The following PTPRT variants were observed in gnomAD, a reference collection of about 807,000 sequenced individuals.
PTPRT encodes protein tyrosine phosphatase receptor type T.
In PTPRT, 56 loss-of-function variants were observed where a neutral mutation model predicts 176.8. The ratio of observed to expected loss-of-function variants is 0.32; its 90% CI spans 0.26 to 0.40. The LOEUF (loss-of-function observed/expected upper bound fraction) is 0.40, where lower values mean the gene tolerates loss of function less well. Ranked by LOEUF, PTPRT falls within the 10% of genes least tolerant of loss-of-function variation. PTPRT has a pLI of 1.00. For missense variants in PTPRT, 1,540 were observed against 1,908.2 expected (o/e 0.81, Z 3.60); for synonymous variants, 783 against 739.0 (o/e 1.06, Z -0.96).
At chr20:42,112,705 C>CCTGCAAACT (rs1316118930) in intron 22 of PTPRT, among the ~76,000 whole-genome samples, 1 of 152,088 alleles carries the variant, frequency 6.6e-6, no homozygotes, top group Non-Finnish European at 1.5e-5. Context: ...CTGCCTTCCC[C>CCTGCAAACT]CTGCAAACTC....
chr20:43,089,541 G>A (rs944316200), intron 1 of PTPRT, among the ~76,000 whole-genome samples: 18 of 152,242 alleles, frequency 1.2e-4, no homozygotes, highest in Non-Finnish European at 5.9e-5. Context: ...AACTACAAGT[G>A]AGACAATATC....
chr20:42,911,563 C>A (rs761970292), intron 1 of PTPRT, among the ~76,000 whole-genome samples: 1 of 152,154 alleles, frequency 6.6e-6, no homozygotes, highest in Non-Finnish European at 1.5e-5. Flanking sequence ...TATACATTAT[C>A]TAGGGGCATC....
intron 2 of PTPRT, among the ~76,000 whole-genome samples, chr20:42,875,107 C>T (rs906231927): frequency 6.6e-6 from 1 of 152,160 alleles, no homozygotes; most frequent in African/African-American, 2.4e-5. Flanking sequence ...GAATATAATA[C>T]TTTTTGAATC....
chr20:42,717,594 T>C (rs571582741), intron 6 of PTPRT, among the ~76,000 whole-genome samples: 2 of 152,212 alleles, frequency 1.3e-5, no homozygotes, highest in Non-Finnish European at 2.9e-5. Flanking sequence ...AGGATTTTTT[T>C]TTTATTGTGG....
At chr20:42,598,623 T>C (rs1174484123) in intron 7 of PTPRT, among the ~76,000 whole-genome samples, 1 of 152,174 alleles carries the variant, frequency 6.6e-6, no homozygotes, top group African/African-American at 2.4e-5. Flanking sequence ...AACATGTACA[T>C]TATTTTCATA....
At chr20:42,478,789 G>A (rs1471297270) in intron 7 of PTPRT, among the ~76,000 whole-genome samples, 1 of 151,702 alleles carries the variant, frequency 6.6e-6, no homozygotes, top group Non-Finnish European at 1.5e-5. Context: ...CAGACTTCAG[G>A]GTTATTGTTC....
At chr20:42,893,404 C>T (rs1428782393) in intron 1 of PTPRT, among the ~76,000 whole-genome samples, 3 of 151,946 alleles carry the variant, frequency 2.0e-5, no homozygotes, top group Admixed American at 2.0e-4. Context: ...CACTTTTACA[C>T]TGTTGGTGGG....
At chr20:42,586,151 A>G (rs936248453) in intron 7 of PTPRT, among the ~76,000 whole-genome samples, 4 of 151,178 alleles carry the variant, frequency 2.6e-5, no homozygotes, top group Non-Finnish European at 5.9e-5. Context: ...GGCACGTTCA[A>G]TGTTGTTCTC....
At chr20:43,026,222 A>G (rs1222765580) in intron 1 of PTPRT, among the ~76,000 whole-genome samples, 1 of 152,076 alleles carries the variant, frequency 6.6e-6, no homozygotes, top group Admixed American at 6.5e-5. Context: ...GATTCAAGCA[A>G]TTCTCCTACC....
At position 42,308,519 on chromosome 20, in the gene PTPRT, T is replaced by C. The variant is rs1203297981; in HGVS notation, c.2139+7204A>G. Among the ~76,000 whole-genome samples the C allele has an allele frequency of 3.3e-5, 5 of 152,224 alleles. No homozygotes were observed. The East Asian group carries it at 9.7e-4, about 29-fold the overall frequency. The stretch of plus-strand genomic sequence containing the variant: ...GCCAGGTAAGGATGCTCCAACCCTC[T>C]TCCCCCTCAGAAGAGGAGCCTCTGG... On this transcript the variant is annotated intron_variant, in intron 12 of 30. Transcript: ENST00000373187.
intron 15 of PTPRT, among the ~76,000 whole-genome samples, chr20:42,221,298 CT>C (rs1256573479): frequency 6.6e-6 from 1 of 152,170 alleles, no homozygotes; most frequent in African/African-American, 2.4e-5. Flanking sequence ...GCTACTGCAT[CT>C]GGCTAGTTGG....
downstream of PTPRT, among the ~76,000 whole-genome samples, chr20:42,067,932 A>G (rs1199516041): frequency 6.6e-6 from 1 of 152,206 alleles, no homozygotes; most frequent in Non-Finnish European, 1.5e-5. Flanking sequence ...CAATGAGAAT[A>G]GGAGTTGTAA....
intron 6 of PTPRT, among the ~76,000 whole-genome samples, chr20:42,746,436 G>A (rs935959050): frequency 3.3e-5 from 5 of 152,222 alleles, no homozygotes; most frequent in African/African-American, 4.8e-5. Flanking sequence ...ACATAGGCAC[G>A]CACTTTGTTT....
chr20:42,128,866 A>G (rs1458077480), intron 18 of PTPRT, 36 bp from the exon 19 acceptor site: 13 of 1,554,726 alleles, frequency 8.4e-6, no homozygotes, highest in Non-Finnish European at 1.1e-5. Flanking sequence ...GATGGTTGAT[A>G]AGAGGCCTTA....
chr20:42,917,518 T>C (rs545700984), intron 1 of PTPRT, among the ~76,000 whole-genome samples: 1 of 152,336 alleles, frequency 6.6e-6, no homozygotes, highest in Non-Finnish European at 1.5e-5. Context: ...GGTAGCTTCA[T>C]GGGGATGGCA....
rs186588504 is a variant in PTPRT, at chr20:42,175,280, T to A, written c.2492-13738A>T. Among the ~76,000 whole-genome samples, 684 of 152,284 alleles carry A rather than the reference T, an allele frequency of 4.5e-3. 3 individuals are homozygous for A. The highest frequency in any genetic ancestry group is 0.016 in the African/African-American group (648 of 41,566). On this transcript the variant is annotated intron_variant, in intron 16 of 30. Transcript: ENST00000373187. Reference sequence around the variant, plus strand: ...GCTCTCACCAATCTCATTTGCCTCATCTTGTGTCTCTCTGTCCTTTCCCCT... The same window carrying A: ...GCTCTCACCAATCTCATTTGCCTCAACTTGTGTCTCTCTGTCCTTTCCCCT...
intron 1 of PTPRT, among the ~76,000 whole-genome samples, chr20:43,173,146 A>G (rs924502160): frequency 6.6e-6 from 1 of 152,020 alleles, no homozygotes; most frequent in African/African-American, 2.4e-5. Flanking sequence ...TCACCACCAC[A>G]TGGTTCATGA....
intron 1 of PTPRT, among the ~76,000 whole-genome samples, chr20:43,110,111 G>T (rs563377752): frequency 6.6e-6 from 1 of 152,312 alleles, no homozygotes; most frequent in South Asian, 2.1e-4. Context: ...TAGGGCATCT[G>T]TATCAGGAGA....
At chr20:42,456,332 C>A (rs2070924005) in intron 8 of PTPRT, among the ~76,000 whole-genome samples, 1 of 151,952 alleles carries the variant, frequency 6.6e-6, no homozygotes, top group South Asian at 2.1e-4. Context: ...ATTGTAGCAT[C>A]TGTAGTTAAT....
Sources: gnomAD v4.1 joint callset for allele counts (sites outside exome capture counted in the v4.1 genomes callset) on GRCh38, gnomAD v4.1.1 for gene constraint, MANE v1.5 for transcripts, NCBI Gene and HGNC (gene_info 2026-07-23, HGNC 2026-07-21) for gene names.